Variants in TFB1M observed in about 807,000 individuals in gnomAD.
TFB1M encodes the protein dimethyladenosine transferase 1, mitochondrial.
Under a neutral mutation model 31.1 loss-of-function variants are expected in TFB1M, and 27 were observed. The ratio of observed to expected loss-of-function variants is 0.87; its 90% confidence interval spans 0.64 to 1.20. The LOEUF (loss-of-function observed/expected upper bound fraction) is 1.20, where lower values mean the gene tolerates loss of function less well. Among genes scored for constraint, TFB1M ranks in the 50% most tolerant of loss-of-function variants. TFB1M has a pLI of 0.00. For missense variants in TFB1M, 394 were observed against 418.7 expected, an observed-to-expected ratio of 0.94 and a Z score of 0.51; for synonymous variants, 166 against 151.8, an observed-to-expected ratio of 1.09 and a Z score of -0.69.
downstream of TFB1M, chr6:155,254,141 T>C: frequency 2.1e-6 from 3 of 1,443,094 alleles, no homozygotes; most frequent in Non-Finnish European, 2.8e-6. Flanking sequence ...TTTAGTGCCC[T>C]CCTGAATTTT....
chr6:155,279,211 T>C (rs1367386784), intron 5 of TFB1M, among the ~76,000 whole-genome samples: 3 of 91,222 alleles, frequency 3.3e-5, no homozygotes, highest in Non-Finnish European at 6.5e-5. Context: ...AAAAATATCA[T>C]ACTTTTTTTT....
chr6:155,240,748 T>G, the TFB1M span: 2 of 1,577,160 alleles, frequency 1.3e-6, no homozygotes, highest in South Asian at 2.3e-5. Context: ...CGTGCCTCTT[T>G]GATGATGGCA....
intron 5 of TFB1M, among the ~76,000 whole-genome samples, chr6:155,266,261 G>A (rs1006942923): frequency 2.0e-5 from 3 of 152,178 alleles, no homozygotes; most frequent in African/African-American, 7.2e-5. Context: ...ATACAAGGAT[G>A]GGGCTCCATC....
chr6:155,262,717 ACT>A (rs1465364246), intron 5 of TFB1M, among the ~76,000 whole-genome samples: 2 of 150,688 alleles, frequency 1.3e-5, no homozygotes, highest in African/African-American at 4.9e-5. Flanking sequence ...AGATAGATGC[ACT>A]CTCTTCCAGT....
the TFB1M span, chr6:155,250,770 A>C: frequency 2.7e-6 from 3 of 1,116,246 alleles, no homozygotes; most frequent in Non-Finnish European, 3.9e-6. Context: ...CCACCGTTTA[A>C]GGCCCCATGT....
In TFB1M at chr6:155,257,749, A is replaced by G; in HGVS notation, c.*87T>C. ...TCTGGTCATTGGCATTTGTATCGTC[A>G]TTCTGTAAAGACAAAAGAGTACCTA... On this transcript the variant is annotated 3_prime_UTR_variant, in exon 7 of 7. Transcript: ENST00000367166. The G allele has an allele frequency of 6.6e-7, 1 of 1,522,882 alleles. No homozygotes were observed. Among genetic ancestry groups the G allele is most frequent in the Admixed American group, 1.9e-5 (1 of 53,668 alleles). 94.3% of individuals were successfully genotyped at this position (1,522,882 alleles called of 1,614,324 possible).
In TFB1M at chr6:155,314,429, G is replaced by T; in HGVS notation, c.-1C>A. On this transcript the variant is annotated 5_prime_UTR_variant, in exon 1 of 7. Coordinates refer to ENST00000367166, the MANE Select transcript of TFB1M (RefSeq NM_016020.4). Reference sequence around the variant, plus strand: ...TGCTGAGTTTTCCGGAGGCAGCCATGATACGCGGCAAGCACCATCCAACCC... The same window carrying T: ...TGCTGAGTTTTCCGGAGGCAGCCATTATACGCGGCAAGCACCATCCAACCC... The T allele has an allele frequency of 6.2e-7, 1 of 1,614,184 alleles. No individual in the cohort carries two copies. Among genetic ancestry groups the T allele is most frequent in the Non-Finnish European group, 8.5e-7 (1 of 1,180,000 alleles).
At chr6:155,282,420 C>G (rs1333236764) in intron 5 of TFB1M, among the ~76,000 whole-genome samples, 1 of 152,124 alleles carries the variant, frequency 6.6e-6, no homozygotes, top group African/African-American at 2.4e-5. Flanking sequence ...GGAAAAAATC[C>G]CGAAAGTGGT....
intron 4 of TFB1M, among the ~76,000 whole-genome samples, chr6:155,291,361 A>G (rs1044530779): frequency 2.0e-5 from 3 of 152,228 alleles, no homozygotes; most frequent in Non-Finnish European, 2.9e-5. Flanking sequence ...GTCAGAACCA[A>G]CATATCCAAA....
chr6:155,311,137 A>C (rs1777997809), intron 2 of TFB1M, 51 bp downstream of exon 2: 1 of 1,605,568 alleles, frequency 6.2e-7, no homozygotes, highest in Non-Finnish European at 8.5e-7. Flanking sequence ...CATGGCATAA[A>C]GATTTAAATT....
At chr6:155,272,941 T>C (rs540853911) in intron 5 of TFB1M, among the ~76,000 whole-genome samples, 12 of 152,236 alleles carry the variant, frequency 7.9e-5, no homozygotes, top group Middle Eastern at 6.8e-3. Context: ...AAGCTGAACA[T>C]AGATTGACAA....
At chr6:155,292,160 G>A (rs1776954487) in intron 4 of TFB1M, among the ~76,000 whole-genome samples, 1 of 152,154 alleles carries the variant, frequency 6.6e-6, no homozygotes, top group South Asian at 2.1e-4. Context: ...ACTGAGCCTA[G>A]AGGTCTCCTG....
intron 5 of TFB1M, among the ~76,000 whole-genome samples, chr6:155,273,588 A>G (rs1785038908): frequency 6.6e-6 from 1 of 152,142 alleles, no homozygotes; most frequent in Admixed American, 6.6e-5. Flanking sequence ...TGGGTGAAGT[A>G]GACAGTTAAT....
chr6:155,265,245 G>A (rs1288062447), intron 5 of TFB1M, among the ~76,000 whole-genome samples: 2 of 152,230 alleles, frequency 1.3e-5, no homozygotes, highest in African/African-American at 2.4e-5. Context: ...GGACCCCAGC[G>A]CTGCAGGTCC....
chr6:155,231,049 C>T, the TFB1M span, among the ~76,000 whole-genome samples: 6 of 151,696 alleles, frequency 4.0e-5, no homozygotes, highest in Admixed American at 1.3e-4. Context: ...ACCATGTTGG[C>T]CAGGCTGGTC....
intron 1 of TFB1M, among the ~76,000 whole-genome samples, chr6:155,311,949 A>G (rs1778033042): frequency 6.6e-6 from 1 of 152,218 alleles, no homozygotes; most frequent in Non-Finnish European, 1.5e-5. Flanking sequence ...AGCTTTGCAC[A>G]CATGCATGTT....
Position 155,268,016 on chromosome 6 carries a change from C to T in TFB1M, c.667-7616G>A, listed in dbSNP as rs368725150. ...TACAAATTTGTTTTCAAAATGTAGA[C>T]AGGAAATTTTGGGTTCTTTTTACAG... is the stretch of plus-strand genomic sequence containing the variant. On this transcript the variant is annotated intron_variant, in intron 5 of 6. Transcript: ENST00000367166. 1.2e-4 allele frequency among the ~76,000 whole-genome samples: 19 copies of T among 152,250 alleles called. No homozygotes were observed. In the East Asian group the frequency reaches 3.5e-3, roughly 28 times the overall value.
the TFB1M span, chr6:155,248,178 G>A: frequency 1.4e-5 from 23 of 1,612,656 alleles, no homozygotes; most frequent in Admixed American, 2.5e-4. Flanking sequence ...ACCACCTGAC[G>A]GGTGAGGCGG....
chr6:155,276,399 G>T, intron 5 of TFB1M: 1 of 1,584,166 alleles, frequency 6.3e-7, no homozygotes. Flanking sequence ...TAATGCATAT[G>T]AAATGGAACT....
Sources: gnomAD v4.1 joint callset for allele counts (sites outside exome capture counted in the v4.1 genomes callset) on GRCh38, gnomAD v4.1.1 for gene constraint, MANE v1.5 for transcripts, NCBI Gene and HGNC (gene_info 2026-07-23, HGNC 2026-07-21) for gene names.